Variants in EMP2 observed in about 807,000 individuals in gnomAD.
EMP2 encodes epithelial membrane protein 2.
Under a neutral mutation model 13.7 loss-of-function variants are expected in EMP2, and 19 were observed. The ratio of observed to expected loss-of-function variants is 1.38; its 90% CI spans 0.97 to 2.03. The LOEUF (loss-of-function observed/expected upper bound fraction) is 2.03, where lower values mean the gene tolerates loss of function less well. Ranked by LOEUF, EMP2 falls within the 30% of genes most tolerant of loss-of-function variation. The probability of loss-of-function intolerance (pLI) is 0.00; values close to 1 mark genes in which losing one functional copy is unlikely to be tolerated. For synonymous variants in EMP2, 97 were observed against 84.7 expected, an observed-to-expected ratio of 1.15 and a Z score of -0.80; for missense variants, 253 against 220.7, an observed-to-expected ratio of 1.15 and a Z score of -0.93.
intron 4 of EMP2, among the ~76,000 whole-genome samples, chr16:10,535,791 A>G (rs1359422329): frequency 3.9e-5 from 6 of 152,200 alleles, no homozygotes; most frequent in Admixed American, 3.9e-4. Flanking sequence ...TCTAACTGGC[A>G]GATACAGAGA....
At chr16:10,575,729 A>G (rs1404969269) in intron 1 of EMP2, among the ~76,000 whole-genome samples, 1 of 152,150 alleles carries the variant, frequency 6.6e-6, no homozygotes, top group Admixed American at 6.5e-5. Flanking sequence ...GCAAACCACA[A>G]ACAAATCAAG....
intron 1 of EMP2, chr16:10,578,000 G>C (rs2050995985): frequency 7.1e-6 from 1 of 140,098 alleles, no homozygotes; most frequent in Non-Finnish European, 1.5e-5. Context: ...AAAGGAGGGA[G>C]GCTGGACATC....
chr16:10,548,262 G>A (rs2050755310), intron 1 of EMP2, among the ~76,000 whole-genome samples: 1 of 152,140 alleles, frequency 6.6e-6, no homozygotes, highest in Non-Finnish European at 1.5e-5. Context: ...GGCTCTGTGT[G>A]TGCTAAGATG....
Position 10,530,083 on chromosome 16 carries a change from A to G in EMP2, c.*2822T>C, listed in dbSNP as rs1049137230. On this transcript the variant is annotated 3_prime_UTR_variant, in exon 5 of 5. Transcript: ENST00000359543. ...GGTGTAAGCCACATTCTTGCCCACA[A>G]TATGACTAGTGAGAGTATCTCATGG... 1 of 152,198 alleles carries G rather than the reference A, an allele frequency of 6.6e-6. No homozygotes were observed. The highest frequency in any genetic ancestry group is 6.5e-5 in the Admixed American group (1 of 15,274). 9.4% of individuals were successfully genotyped at this position (152,198 alleles called of 1,614,324 possible).
chr16:10,540,786 T>TAACACTCATGGGAGGGATGTGAC (rs1318226047), intron 3 of EMP2, among the ~76,000 whole-genome samples: 6 of 152,202 alleles, frequency 3.9e-5, no homozygotes, highest in Admixed American at 3.9e-4. Flanking sequence ...ATACGAGTGA[T>TAACACTCATGGGAGGGATGTGAC]AACACTCATG....
chr16:10,566,368 G>A (rs1217945546), intron 1 of EMP2, among the ~76,000 whole-genome samples: 2 of 152,146 alleles, frequency 1.3e-5, no homozygotes, highest in African/African-American at 4.8e-5. Context: ...ACAAATTCTG[G>A]TTCAAGGCTG....
intron 1 of EMP2, among the ~76,000 whole-genome samples, chr16:10,550,841 G>T (rs143896234): frequency 6.6e-6 from 1 of 152,040 alleles, no homozygotes; most frequent in Non-Finnish European, 1.5e-5. Context: ...CGGGCGTGGT[G>T]GTGGGCACCT....
In EMP2 at chr16:10,530,478, T is replaced by A. The variant is rs1215028950; in HGVS notation, c.*2427A>T. 1 of 152,482 alleles carries A rather than the reference T, an allele frequency of 6.6e-6. No individual in the cohort carries two copies. Among genetic ancestry groups the A allele is most frequent in the East Asian group, 1.9e-4 (1 of 5,190 alleles). The allele number at this position is 152,482 out of a possible 1,614,324, so 9.4% of individuals were successfully genotyped here. A position where few individuals can be genotyped will look rare whatever the true frequency, so the allele number is the denominator to read the frequency against. ...AAGGTCAAGTGCAAAAGTATTTAAA[T>A]AGCACGAGGTCCCACACCCCATCCC... On this transcript the variant is annotated 3_prime_UTR_variant, in exon 5 of 5. Coordinates refer to ENST00000359543, the MANE Select transcript of EMP2 (RefSeq NM_001424.6).
intron 1 of EMP2, among the ~76,000 whole-genome samples, chr16:10,549,779 G>T (rs769782354): frequency 1.9e-4 from 29 of 151,282 alleles, no homozygotes; most frequent in Admixed American, 7.9e-4. Flanking sequence ...TGAACCACTT[G>T]AGAGTAAGTT....
intron 1 of EMP2, among the ~76,000 whole-genome samples, chr16:10,556,001 T>G (rs1019408650): frequency 6.6e-6 from 1 of 152,220 alleles, no homozygotes; most frequent in African/African-American, 2.4e-5. Context: ...AACTTCCTGC[T>G]TAGGGAAAAG....
At chr16:10,545,147 T>C (rs1399910972) in intron 2 of EMP2, 1 of 152,220 alleles carries the variant, frequency 6.6e-6, no homozygotes, top group African/African-American at 2.4e-5. Context: ...CTGGATACGA[T>C]TCACTAAGGC....
chr16:10,540,348 A>G (rs1420219206), intron 3 of EMP2, among the ~76,000 whole-genome samples: 1 of 152,142 alleles, frequency 6.6e-6, no homozygotes, highest in African/African-American at 2.4e-5. Context: ...TCTACTAAAA[A>G]TACAAAAATT....
chr16:10,553,902 G>T (rs998194362), intron 1 of EMP2, among the ~76,000 whole-genome samples: 3 of 152,234 alleles, frequency 2.0e-5, no homozygotes, highest in Non-Finnish European at 2.9e-5. Context: ...TTGAAGCAAA[G>T]AGTATGTGCA....
chr16:10,568,663 C>T (rs1201057651), intron 1 of EMP2, among the ~76,000 whole-genome samples: 1 of 152,192 alleles, frequency 6.6e-6, no homozygotes. Context: ...GCCCACAGTT[C>T]CTCCGACAGA....
intron 3 of EMP2, among the ~76,000 whole-genome samples, chr16:10,541,733 G>A (rs1467324156): frequency 6.6e-6 from 1 of 152,104 alleles, no homozygotes; most frequent in Non-Finnish European, 1.5e-5. Flanking sequence ...TAAGGGTACT[G>A]GCTTTAGAGC....
At chr16:10,533,172 T>C (rs2050621502) in intron 4 of EMP2, 80 bp from the exon 5 acceptor site, 4 of 1,233,132 alleles carry the variant, frequency 3.2e-6, no homozygotes, top group Non-Finnish European at 4.3e-6. Flanking sequence ...ACGGCCAGAG[T>C]TGAAGACAAA....
chr16:10,574,345 A>G (rs1031500602), intron 1 of EMP2, among the ~76,000 whole-genome samples: 2 of 152,010 alleles, frequency 1.3e-5, no homozygotes, highest in African/African-American at 4.8e-5. Context: ...TGGATATTCT[A>G]TTCCAATAAT....
chr16:10,537,871 G>A (rs2050661209), intron 4 of EMP2, 57 bp downstream of exon 4: 1 of 1,594,302 alleles, frequency 6.3e-7, no homozygotes. Context: ...TGGCGGCTGG[G>A]AAGGGAGTGC....
chr16:10,541,542 T>A (rs542246589), intron 3 of EMP2, among the ~76,000 whole-genome samples: 32 of 152,074 alleles, frequency 2.1e-4, no homozygotes, highest in Non-Finnish European at 4.1e-4. Flanking sequence ...AAGTGAATAA[T>A]CCCATGTGGA....
Sources: allele counts gnomAD v4.1 joint callset (sites outside exome capture counted in the v4.1 genomes callset), GRCh38; gene constraint gnomAD v4.1.1; transcripts MANE v1.5; gene names NCBI Gene and HGNC (gene_info 2026-07-23, HGNC 2026-07-21).